The following SLC3A2 variants were observed in gnomAD, a reference collection of about 807,000 sequenced individuals.
The protein encoded by SLC3A2 is solute carrier family 3 member 2.
SLC3A2 carries 32 observed loss-of-function variants against 48.5 expected under a neutral mutation model. That is an observed-to-expected ratio of 0.66 (90% CI 0.50 to 0.89). The LOEUF is 0.89. Ranked by LOEUF, SLC3A2 falls within the 40% of genes least tolerant of loss-of-function variation. SLC3A2 has a pLI of 0.00. For missense variants in SLC3A2, 587 were observed against 680.7 expected, an observed-to-expected ratio of 0.86 and a Z score of 1.53; for synonymous variants, 277 against 288.8, an observed-to-expected ratio of 0.96 and a Z score of 0.41.
At chr11:62,885,716 G>C (rs1262722796) in intron 7 of SLC3A2, 108 bp downstream of exon 7, 2 of 1,256,142 alleles carry the variant, frequency 1.6e-6, no homozygotes, top group African/African-American at 3.0e-5. Context: ...AAACGCGTTT[G>C]ATTCTTAGTC....
intron 1 of SLC3A2, among the ~76,000 whole-genome samples, chr11:62,867,139 C>T (rs2085460907): frequency 4.6e-5 from 7 of 151,308 alleles, no homozygotes; most frequent in African/African-American, 9.7e-5. Context: ...TACAGGCATG[C>T]GCTACCACGC....
intron 1 of SLC3A2, among the ~76,000 whole-genome samples, chr11:62,867,402 T>G (rs1301514450): frequency 1.4e-5 from 2 of 140,494 alleles, no homozygotes; most frequent in Non-Finnish European, 3.1e-5. Context: ...CTTGGCTCAC[T>G]GCACTCTCCG....
upstream of SLC3A2, among the ~76,000 whole-genome samples, chr11:62,876,351 A>G (rs1010903297): frequency 5.9e-5 from 9 of 152,210 alleles, no homozygotes; most frequent in African/African-American, 2.2e-4. Context: ...CTGAGTGTAA[A>G]GTGGACCTTA....
intron 3 of SLC3A2, chr11:62,883,835 GGTGAAGTTCCACAGT>G: frequency 2.8e-6 from 1 of 362,492 alleles, no homozygotes; most frequent in Admixed American, 3.4e-5. Flanking sequence ...GGAGAATGGG[GGTGAAGTTCCACAGT>G]GTGTGCAGGA....
intron 1 of SLC3A2, among the ~76,000 whole-genome samples, chr11:62,873,737 A>G (rs1014494406): frequency 6.6e-6 from 1 of 152,136 alleles, no homozygotes; most frequent in Non-Finnish European, 1.5e-5. Flanking sequence ...GGCCTCCCAA[A>G]TTACAGGCGT....
Position 62,881,637 on chromosome 11 carries a change from C to A in SLC3A2, c.424+190C>A. 1 of 960,858 alleles carries A rather than the reference C, an allele frequency of 1.0e-6. No individual in the cohort carries two copies. The highest frequency in any genetic ancestry group is 1.5e-6 in the Non-Finnish European group (1 of 668,448). The allele number at this position is 960,858 out of a possible 1,614,324, so 59.5% of individuals were successfully genotyped here. A position where few individuals can be genotyped will look rare whatever the true frequency, so the allele number is the denominator to read the frequency against. On this transcript the variant is annotated intron_variant, in intron 1 of 8. Transcript: ENST00000338663. This position sits in a 1 kb window ranked among gnomAD's most constrained non-coding sequence, Gnocchi z 4.0. ...CCTTTCTTTGAAGAAAGCCGACCCGCCCCTCACTCCGTCACGAGGGTGGGT... is the reference window on the plus strand; with the variant it reads ...CCTTTCTTTGAAGAAAGCCGACCCGACCCTCACTCCGTCACGAGGGTGGGT...
chr11:62,888,742 C>G lies in SLC3A2; in HGVS notation c.*49C>G. On this transcript the variant is annotated 3_prime_UTR_variant, in exon 9 of 9. Coordinates refer to ENST00000338663, the MANE Select transcript of SLC3A2 (RefSeq NM_001013251.3). ...ACCCTTCTCCTTTCCTTCCCAGGCC[C>G]TTTGGCTTCTGATTTTTCTCTTTTT... is the stretch of plus-strand genomic sequence containing the variant. The G allele has an allele frequency of 6.8e-7, 1 of 1,474,810 alleles. No individual in the cohort carries two copies. The highest frequency in any genetic ancestry group is 9.1e-7 in the Non-Finnish European group (1 of 1,104,972). 91.4% of individuals were successfully genotyped at this position (1,474,810 alleles called of 1,614,324 possible). A position where few individuals can be genotyped will look rare whatever the true frequency, so the allele number is the denominator to read the frequency against.
chr11:62,867,820 C>T (rs1239525706), intron 1 of SLC3A2, among the ~76,000 whole-genome samples: 4 of 151,820 alleles, frequency 2.6e-5, no homozygotes, highest in Non-Finnish European at 4.4e-5. Context: ...ACATTTTTGC[C>T]TATCTTTTAT....
chr11:62,883,207 T>C, intron 3 of SLC3A2: 1 of 533,378 alleles, frequency 1.9e-6, no homozygotes, highest in Non-Finnish European at 3.4e-6. Flanking sequence ...ATTTTTCTTA[T>C]TTCCTTGACT....
Position 62,888,382 on chromosome 11 carries a change from G to A in SLC3A2, c.1279G>A (p.Asp427Asn). The A allele has an allele frequency of 6.2e-7, 1 of 1,614,200 alleles. No homozygotes were observed. The highest frequency in any genetic ancestry group is 8.5e-7 in the Non-Finnish European group (1 of 1,180,030). ...CCTTTCCTTGTTCCGGCGGCTGAGT[G>A]ACCAGCGGAGTAAGGAGCGCTCCCT... ...SLLSLFRRLS[D>N]QRSKERSLLH... Residue 427 changes from aspartate (D) to asparagine (N), a missense_variant, in exon 9 of 9, where the codon GAC becomes AAC. By Grantham distance (23) the Asp-to-Asn change is conservative. Coordinates refer to ENST00000338663, the MANE Select transcript of SLC3A2 (RefSeq NM_001013251.3).
intron 1 of SLC3A2, among the ~76,000 whole-genome samples, chr11:62,862,552 C>G (rs1264999306): frequency 6.6e-6 from 1 of 152,006 alleles, no homozygotes; most frequent in East Asian, 1.9e-4. Context: ...TACCCCTTCT[C>G]ACCCACAGTC....
At chr11:62,869,497 C>A (rs2085488471) in intron 1 of SLC3A2, among the ~76,000 whole-genome samples, 1 of 128,966 alleles carries the variant, frequency 7.8e-6, no homozygotes, top group African/African-American at 3.2e-5. Context: ...GCACTCCAGC[C>A]TGGGTGATAG....
At chr11:62,885,039 C>G (rs2085691155) in intron 5 of SLC3A2, 138 bp from the exon 6 acceptor site, 1 of 888,774 alleles carries the variant, frequency 1.1e-6, no homozygotes, top group Non-Finnish European at 1.7e-6. Flanking sequence ...CCATGTTGGT[C>G]AAGCCAGTCT....
Position 62,870,843 on chromosome 11 carries a change from AATAATAATAATAATT to A in SLC3A2, c.113-10173_113-10159del, listed in dbSNP as rs762627105. On this transcript the variant is annotated intron_variant, in intron 1 of 9. Coordinates refer to the SLC3A2 transcript ENST00000377889. ...CCAGAATGCCGAGATGATAGGTAAT[AATAATAATAATAATT>A]ATTATTATTATTATTATTATTATTA... 96 of 103,614 alleles carry A rather than the reference AATAATAATAATAATT, an allele frequency of 9.3e-4. 1 individual carries two copies. Among genetic ancestry groups the A allele is most frequent in the South Asian group, 8.4e-3 (38 of 4,512 alleles). The allele number at this position is 103,614 out of a possible 1,614,324, so 6.4% of individuals were successfully genotyped here. A position where few individuals can be genotyped will look rare whatever the true frequency, so the allele number is the denominator to read the frequency against.
At chr11:62,874,206 G>A (rs551045991) in intron 1 of SLC3A2, among the ~76,000 whole-genome samples, 9 of 151,938 alleles carry the variant, frequency 5.9e-5, no homozygotes, top group South Asian at 2.1e-4. Context: ...GCTGCTGTTG[G>A]AGGGCCTCAG....
intron 1 of SLC3A2, among the ~76,000 whole-genome samples, chr11:62,864,974 T>C (rs568528510): frequency 6.6e-6 from 1 of 152,268 alleles, no homozygotes; most frequent in African/African-American, 2.4e-5. Context: ...TACTATGAGC[T>C]AGTAAGTTTT....
At position 62,881,063 on chromosome 11, in the gene SLC3A2, C is replaced by G. The variant is rs2085627679; in HGVS notation, c.40C>G (p.Leu14Val). The change falls in exon 1 of 9, where the codon CTG (leucine) becomes GTG (valine). Residue 14 changes from leucine (L) to valine (V), a missense_variant. By Grantham distance (32) the Leu-to-Val change is conservative (BLOSUM62 1). Coordinates refer to ENST00000338663, the MANE Select transcript of SLC3A2 (RefSeq NM_001013251.3). This position sits in a 1 kb window ranked among gnomAD's most constrained non-coding sequence, Gnocchi z 4.0. ...DTEVDMKEVE[L>V]NELEPEKQPM... Reference sequence around the variant, plus strand: ...CGAGGTGGATATGAAGGAGGTGGAGCTGAATGAGTTAGAGCCCGAGAAGCA... The same window carrying G: ...CGAGGTGGATATGAAGGAGGTGGAGGTGAATGAGTTAGAGCCCGAGAAGCA... The G allele has an allele frequency of 6.3e-7, 1 of 1,599,764 alleles. No homozygotes were observed. Among genetic ancestry groups the G allele is most frequent in the African/African-American group, 1.3e-5 (1 of 74,738 alleles).
intron 1 of SLC3A2, among the ~76,000 whole-genome samples, chr11:62,858,908 G>A (rs555797566): frequency 2.6e-5 from 4 of 152,280 alleles, no homozygotes; most frequent in Middle Eastern, 3.4e-3. Context: ...GCCCTAAGGC[G>A]GTTTTTCCCT....
chr11:62,873,438 G>A (rs1189923968), intron 1 of SLC3A2, among the ~76,000 whole-genome samples: 1 of 151,166 alleles, frequency 6.6e-6, no homozygotes, highest in Non-Finnish European at 1.5e-5. Context: ...GCAGTGAGCC[G>A]AGATCGCACC....
Sources: allele counts gnomAD v4.1 joint callset (sites outside exome capture counted in the v4.1 genomes callset), GRCh38; gene constraint gnomAD v4.1.1; non-coding constraint Gnocchi (gnomAD v3.1); transcripts MANE v1.5; gene names NCBI Gene and HGNC (gene_info 2026-07-23, HGNC 2026-07-21).